GRID2IP: variants seen among roughly 807,000 people sequenced by gnomAD.
GRID2IP encodes Grid2 interacting protein, also known as delphilin.
In GRID2IP, 78 loss-of-function variants were observed where a neutral mutation model predicts 114.3. The observed-to-expected ratio is 0.68, with a 90% CI of 0.57 to 0.82. The LOEUF is 0.82. Among genes scored for constraint, GRID2IP ranks in the 40% least tolerant of loss-of-function variants. The pLI, the probability that GRID2IP is intolerant of heterozygous loss-of-function variation, is 0.00. For synonymous variants in GRID2IP, 809 were observed against 724.0 expected (o/e 1.12, Z -1.89); for missense variants, 1,727 against 1,678.5 (o/e 1.03, Z -0.51).
Position 6,510,377 on chromosome 7 carries a change from A to C in GRID2IP, c.1677T>G (p.Leu559=). The stretch of plus-strand genomic sequence containing the variant: ...TGAAGCTGCTGTTCAGTCGAGACTC[A>C]AGCTCTGCATAGACGGCTGACATCT... ...PKMMSAVYAE[L]ESRLNSSFKG... The change falls in exon 11 of 22, where the codon CTT becomes CTG. Residue 559 remains leucine (L), a synonymous_variant. Coordinates refer to ENST00000457091, the MANE Select transcript of GRID2IP (RefSeq NM_001145118.2). 1 of 1,543,796 alleles carries C rather than the reference A, an allele frequency of 6.5e-7. No homozygotes were observed. Among genetic ancestry groups the C allele is most frequent in the Non-Finnish European group, 8.7e-7 (1 of 1,143,478 alleles).
chr7:6,524,733 T>C lies in GRID2IP; in HGVS notation c.919+1491A>G, dbSNP rs1044263122. Among the ~76,000 whole-genome samples the C allele has an allele frequency of 2.6e-5, 4 of 151,508 alleles. No homozygotes were observed. The East Asian group carries it at 8.3e-4, about 31-fold the overall frequency. On this transcript the variant is annotated intron_variant, in intron 4 of 21. Transcript: ENST00000457091. ...AGACCTCATCTCTCGTTTGTTTTTT[T>C]TGAGATGGAGTCTCACTCTGTCGCC...
intron 2 of GRID2IP, among the ~76,000 whole-genome samples, chr7:6,533,009 G>A (rs1472662232): frequency 2.6e-5 from 4 of 152,180 alleles, no homozygotes; most frequent in Admixed American, 2.6e-4. Flanking sequence ...CCAGCAAAAG[G>A]CACTGCTTAA....
chr7:6,550,658 A>C (rs1411543973), intron 1 of GRID2IP, among the ~76,000 whole-genome samples: 2 of 32,216 alleles, frequency 6.2e-5, no homozygotes, highest in African/African-American at 3.8e-4. Context: ...TAAAAATACC[A>C]AAAAAAAAAA....
At position 6,519,259 on chromosome 7, in the gene GRID2IP, C is replaced by A. The variant is rs373707329; in HGVS notation, c.1268+1319G>T. Among the ~76,000 whole-genome samples the A allele has an allele frequency of 6.6e-6, 1 of 152,054 alleles. No homozygotes were observed. Among genetic ancestry groups the A allele is most frequent in the Non-Finnish European group, 1.5e-5 (1 of 68,010 alleles). On this transcript the variant is annotated intron_variant, in intron 7 of 21. Transcript: ENST00000457091. This position sits in a 1 kb window ranked among gnomAD's most constrained non-coding sequence, Gnocchi z 4.1. ...AAAATGGACCGTGGTGATGTTTGCA[C>A]GTATTTGTGAATATACTAAAAACCA...
intron 10 of GRID2IP, 70 bp from the exon 11 acceptor site, chr7:6,510,470 G>T (rs893781828): frequency 2.9e-6 from 4 of 1,356,930 alleles, no homozygotes; most frequent in African/African-American, 1.5e-5. Context: ...TCCAGGCCTG[G>T]GTGGGCCGGG....
At position 6,520,095 on chromosome 7, in the gene GRID2IP, G is replaced by GAAACCCTGTCTCTAGTA. The variant is rs758629148; in HGVS notation, c.1268+466_1268+482dup. On this transcript the variant is annotated intron_variant, in intron 7 of 21. Transcript: ENST00000457091. The surrounding 1 kb of genome is among the most constrained non-coding windows in gnomAD (Gnocchi z 4.6). ...TTGAGACCAGCCTGACCAACATAGT[G>GAAACCCTGTCTCTAGTA]AAACCCTGTCTCTAGTAAAACCCTG... Among the ~76,000 whole-genome samples, 2 of 152,070 alleles carry GAAACCCTGTCTCTAGTA rather than the reference G, an allele frequency of 1.3e-5. No individual in the cohort carries two copies. The highest frequency in any genetic ancestry group is 2.9e-5 in the Non-Finnish European group (2 of 68,016).
Position 6,526,683 on chromosome 7 carries a change from GC to G in GRID2IP, c.670del (p.Ala224ProfsTer106). 6.7e-7 allele frequency: 1 copy of G among 1,484,522 alleles called. No homozygotes were observed. Among genetic ancestry groups the G allele is most frequent in the Non-Finnish European group, 8.9e-7 (1 of 1,119,696 alleles). The allele number at this position is 1,484,522 out of a possible 1,614,324, so 92.0% of individuals were successfully genotyped here. On this transcript the variant is annotated frameshift_variant, in exon 3 of 22. Transcript: ENST00000457091. LOFTEE classifies it high-confidence loss of function. This position sits in a 1 kb window ranked among gnomAD's most constrained non-coding sequence, Gnocchi z 7.6. ...LLGKLCRARR[A>X]QGAQRLRRSR... ...CCGGCGCAGTCGCTGCGCGCCCTGG[GC>G]CCGGCGTGCGCGGCACAGCTTGCCC...
chr7:6,520,901 G>T lies in GRID2IP; in HGVS notation c.1085-140C>A. The T allele has an allele frequency of 1.3e-6, 1 of 790,636 alleles. No homozygotes were observed. The highest frequency in any genetic ancestry group is 1.7e-5 in the African/African-American group (1 of 57,174). 49.0% of individuals were successfully genotyped at this position (790,636 alleles called of 1,614,324 possible). On this transcript the variant is annotated intron_variant, in intron 6 of 21. Coordinates refer to ENST00000457091, the MANE Select transcript of GRID2IP (RefSeq NM_001145118.2). This position sits in a 1 kb window ranked among gnomAD's most constrained non-coding sequence, Gnocchi z 4.6. ...GCCATGCATGGGAAGGCATGCCTGT[G>T]GCCCGACACCGGGGCCAAGGATAGA... is the stretch of plus-strand genomic sequence containing the variant.
chr7:6,499,886 T>G (rs978498337), intron 20 of GRID2IP, among the ~76,000 whole-genome samples: 1 of 151,942 alleles, frequency 6.6e-6, no homozygotes, highest in African/African-American at 2.4e-5. Flanking sequence ...TGCACCACTA[T>G]GCCAGACTCA....
rs985507149 is a variant in GRID2IP at position 6,523,897 on chromosome 7, T to C, written c.920-1940A>G. Among the ~76,000 whole-genome samples, 1 of 152,186 alleles carries C rather than the reference T, an allele frequency of 6.6e-6. No homozygotes were observed. The highest frequency in any genetic ancestry group is 1.5e-5 in the Non-Finnish European group (1 of 68,030). On this transcript the variant is annotated intron_variant, in intron 4 of 21. Coordinates refer to ENST00000457091, the MANE Select transcript of GRID2IP (RefSeq NM_001145118.2). This position sits in a 1 kb window ranked among gnomAD's most constrained non-coding sequence, Gnocchi z 4.5. Reference sequence around the variant, plus strand: ...TGTGGGAGAGACTGGGAGATGGAGATGGTGGTGGTGGCATGGTTGGAACAG... The same window carrying C: ...TGTGGGAGAGACTGGGAGATGGAGACGGTGGTGGTGGCATGGTTGGAACAG...
intron 15 of GRID2IP, among the ~76,000 whole-genome samples, chr7:6,504,069 T>C (rs541001766): frequency 8.2e-6 from 1 of 121,718 alleles, no homozygotes; most frequent in African/African-American, 3.3e-5. Flanking sequence ...CAGGTAGACC[T>C]GTGAGGCAGA....
rs1350048511 is a variant in GRID2IP at position 6,528,994 on chromosome 7, T to C, written c.585-2225A>G. On this transcript the variant is annotated intron_variant, in intron 2 of 21. Transcript: ENST00000457091. This position sits in a 1 kb window ranked among gnomAD's most constrained non-coding sequence, Gnocchi z 6.0. ...AGCGCCTCCCAGACCTCAAGCCTCA[T>C]GTCCAGGCAAAGGAGAGAAGACACA... is the stretch of plus-strand genomic sequence containing the variant. Among the ~76,000 whole-genome samples, 3 of 152,066 alleles carry C rather than the reference T, an allele frequency of 2.0e-5. 1 individual carries two copies. Among genetic ancestry groups the C allele is most frequent in the South Asian group, 4.1e-4 (2 of 4,820 alleles).
intron 2 of GRID2IP, among the ~76,000 whole-genome samples, chr7:6,538,421 G>T (rs1161368470): frequency 6.6e-6 from 1 of 150,562 alleles, no homozygotes; most frequent in Non-Finnish European, 1.5e-5. Context: ...AAGTAATCAG[G>T]CCGGGTACAG....
intron 1 of GRID2IP, among the ~76,000 whole-genome samples, chr7:6,548,964 G>C (rs992033765): frequency 1.3e-5 from 2 of 152,126 alleles, no homozygotes; most frequent in African/African-American, 4.8e-5. Flanking sequence ...GAGTGTCTTG[G>C]CTCCGGACTA....
intron 1 of GRID2IP, among the ~76,000 whole-genome samples, chr7:6,542,464 G>A (rs984011331): frequency 6.6e-6 from 1 of 151,962 alleles, no homozygotes; most frequent in Non-Finnish European, 1.5e-5. Flanking sequence ...GACCATCCTG[G>A]GCAACATAGC....
At chr7:6,502,259 C>G (rs1786438111) in intron 18 of GRID2IP, 141 bp from the exon 19 acceptor site, 2 of 761,018 alleles carry the variant, frequency 2.6e-6, no homozygotes, top group Admixed American at 2.7e-5. Flanking sequence ...GGGTCTTGCT[C>G]TGTTGCCCAG....
chr7:6,531,843 C>T (rs1779632727), intron 2 of GRID2IP, among the ~76,000 whole-genome samples: 1 of 152,130 alleles, frequency 6.6e-6, no homozygotes. Flanking sequence ...GGAGGTGACC[C>T]AGAGGGGGGT....
rs748297080 is a variant in GRID2IP at position 6,539,710 on chromosome 7, C to T, written c.584+8G>A. 1.9e-5 allele frequency: 29 copies of T among 1,543,000 alleles called. No homozygotes were observed. The highest frequency in any genetic ancestry group is 7.4e-5 in the East Asian group (3 of 40,540). On this transcript the variant is annotated splice_region_variant and intron_variant, in intron 2 of 21. Coordinates refer to ENST00000457091, the MANE Select transcript of GRID2IP (RefSeq NM_001145118.2). ...CTGCCTGTCTATCCTGCCCCCTGCC[C>T]GCAGTACCTGAGGTTGTCCAGGAGT...
In GRID2IP at chr7:6,548,593, T is replaced by C. The variant is rs1312805428; in HGVS notation, c.429+2415A>G. On this transcript the variant is annotated intron_variant, in intron 1 of 21. Transcript: ENST00000457091. ...TGGCTCACGCCTGTAATCCCAGCAC[T>C]CTGGGAGGCCGCAGCAGATGGATCA... Among the ~76,000 whole-genome samples the C allele has an allele frequency of 2.0e-5, 3 of 151,930 alleles. No homozygotes were observed. In the East Asian group the frequency reaches 5.8e-4, roughly 29 times the overall value.
Sources: gnomAD v4.1 joint callset for allele counts (sites outside exome capture counted in the v4.1 genomes callset) on GRCh38, gnomAD v4.1.1 for gene constraint, Gnocchi (gnomAD v3.1) non-coding constraint, MANE v1.5 for transcripts, NCBI Gene and HGNC (gene_info 2026-07-23, HGNC 2026-07-21) for gene names.